The following MAPRE1 variants were observed in gnomAD, a reference collection of about 807,000 sequenced individuals.
The protein encoded by MAPRE1 is microtubule associated protein RP/EB family member 1.
In MAPRE1, 5 loss-of-function variants were observed where a neutral mutation model predicts 32.1. The ratio of observed to expected loss-of-function variants is 0.16; its 90% CI spans 0.08 to 0.33. MAPRE1 has a LOEUF of 0.33. Ranked by LOEUF, MAPRE1 falls within the 10% of genes least tolerant of loss-of-function variation. MAPRE1 has a pLI of 1.00. For synonymous variants in MAPRE1, 122 were observed against 118.9 expected (o/e 1.03, Z -0.17); for missense variants, 209 against 327.2 (o/e 0.64, Z 2.79).
At chr20:32,845,091 A>G (rs567597850) in intron 5 of MAPRE1, among the ~76,000 whole-genome samples, 1 of 152,280 alleles carries the variant, frequency 6.6e-6, no homozygotes, top group South Asian at 2.1e-4. Context: ...CCCAGACTAG[A>G]GTGTAATGGT....
intron 2 of MAPRE1, 31 bp from the exon 3 acceptor site, chr20:32,833,686 T>C: frequency 6.3e-7 from 1 of 1,590,694 alleles, no homozygotes; most frequent in East Asian, 2.2e-5. Flanking sequence ...GCTTCTTTAA[T>C]TGTATTTTTC....
At chr20:32,828,942 T>C (rs1036093183) in intron 2 of MAPRE1, among the ~76,000 whole-genome samples, 1 of 152,150 alleles carries the variant, frequency 6.6e-6, no homozygotes, top group Non-Finnish European at 1.5e-5. Flanking sequence ...GTCAGTTGTT[T>C]TTTTTTTCTT....
At position 32,850,084 on chromosome 20, in the gene MAPRE1, A is replaced by G. The variant is rs1477015161; in HGVS notation, c.*1356A>G. The G allele has an allele frequency of 6.6e-6, 1 of 152,500 alleles. No homozygotes were observed. 9.4% of individuals were successfully genotyped at this position (152,500 alleles called of 1,614,324 possible). ...ACTGAGATTGTTCAGCCCCTGATGT[A>G]TTTGTATTGATTTGTTTCTGGTGGT... On this transcript the variant is annotated 3_prime_UTR_variant, in exon 7 of 7. Transcript: ENST00000375571.
chr20:32,836,522 A>G, intron 3 of MAPRE1, 112 bp from the exon 4 acceptor site: 1 of 670,456 alleles, frequency 1.5e-6, no homozygotes, highest in Middle Eastern at 2.7e-4. Context: ...TAAGGTCTCT[A>G]AAATATTTTT....
chr20:32,826,318 A>G (rs1264884871), intron 2 of MAPRE1, among the ~76,000 whole-genome samples: 1 of 143,644 alleles, frequency 7.0e-6, no homozygotes, highest in African/African-American at 2.6e-5. Context: ...CCGGGTTCAC[A>G]CCATTCTCCT....
At position 32,849,121 on chromosome 20, in the gene MAPRE1, A is replaced by G. The variant is rs1983582340; in HGVS notation, c.*393A>G. ...AAATCAGAGAATGTTGTAATAAGTA[A>G]ATGCCTTAAGAGTATTTAAAATATG... is the stretch of plus-strand genomic sequence containing the variant. On this transcript the variant is annotated 3_prime_UTR_variant, in exon 7 of 7. Coordinates refer to ENST00000375571, the MANE Select transcript of MAPRE1 (RefSeq NM_012325.3). 6.3e-6 allele frequency: 1 copy of G among 158,016 alleles called. No individual in the cohort carries two copies. Among genetic ancestry groups the G allele is most frequent in the Non-Finnish European group, 1.4e-5 (1 of 71,566 alleles). The allele number at this position is 158,016 out of a possible 1,614,324, so 9.8% of individuals were successfully genotyped here.
intron 3 of MAPRE1, 79 bp from the exon 4 acceptor site, chr20:32,836,555 T>C: frequency 1.3e-6 from 1 of 796,186 alleles, no homozygotes; most frequent in Non-Finnish European, 2.1e-6. Flanking sequence ...CAGAGCTTTA[T>C]AATGAATTGA....
intron 5 of MAPRE1, among the ~76,000 whole-genome samples, chr20:32,841,130 G>A (rs903817088): frequency 6.6e-4 from 101 of 152,234 alleles, no homozygotes; most frequent in African/African-American, 2.0e-3. Context: ...TCACTTTTTC[G>A]TTCTTTCATT....
At chr20:32,833,908 C>T (rs374114525) in intron 3 of MAPRE1, 46 bp downstream of exon 3, 12 of 1,544,764 alleles carry the variant, frequency 7.8e-6, no homozygotes, top group Non-Finnish European at 1.1e-5. Context: ...CCTTAATGAT[C>T]GTTACTAAGG....
intron 2 of MAPRE1, among the ~76,000 whole-genome samples, chr20:32,829,300 G>A (rs1233988453): frequency 6.6e-6 from 1 of 152,198 alleles, no homozygotes; most frequent in Non-Finnish European, 1.5e-5. Flanking sequence ...ACACTTAACT[G>A]TGATTTGTAA....
Position 32,848,226 on chromosome 20 carries a change from T to C in MAPRE1, c.751-446T>C, listed in dbSNP as rs547249694. On this transcript the variant is annotated intron_variant, in intron 6 of 6. Transcript: ENST00000375571. ...CAGGCTTGGCTAGTTTTTTTTTTTT[T>C]CGAGACATTGTCTCACTGTGTTACC... Among the ~76,000 whole-genome samples, 351 of 152,048 alleles carry C rather than the reference T, an allele frequency of 2.3e-3. 1 individual carries two copies. Among genetic ancestry groups the C allele is most frequent in the Non-Finnish European group, 4.1e-3 (281 of 67,944 alleles).
intron 6 of MAPRE1, among the ~76,000 whole-genome samples, chr20:32,848,070 G>A (rs1223003219): frequency 6.6e-6 from 1 of 151,780 alleles, no homozygotes; most frequent in Non-Finnish European, 1.5e-5. Context: ...TAGTGACGGG[G>A]ATCTCACTTT....
intron 3 of MAPRE1, among the ~76,000 whole-genome samples, chr20:32,835,364 G>GGTTTTTTTT (rs758846726): frequency 7.5e-5 from 8 of 106,658 alleles, no homozygotes; most frequent in African/African-American, 3.7e-4. Context: ...TTTTATTGGT[G>GGTTTTTTTT]TTTTTTTTTT....
In MAPRE1 at chr20:32,826,024, A is replaced by C. The variant is rs760515512; in HGVS notation, c.97A>C (p.Thr33Pro). 1 of 1,607,940 alleles carries C rather than the reference A, an allele frequency of 6.2e-7. No homozygotes were observed. The highest frequency in any genetic ancestry group is 1.3e-5 in the African/African-American group (1 of 74,946). The stretch of plus-strand genomic sequence containing the variant: ...CAATGAGTCTCTGCAGTTGAATCTG[A>C]CAAAGATCGAACAGTTGTGCTCAGG... ...WINESLQLNL[T>P]KIEQLCSGAA... The change falls in exon 2 of 7, where the codon ACA (threonine) becomes CCA (proline). Residue 33 changes from threonine (T) to proline (P), a missense_variant. By Grantham distance (38) the Thr-to-Pro change is conservative (BLOSUM62 -1). This residue lies in a region of MAPRE1 where 67 missense variants were observed against 140.0 expected (regional missense o/e 0.48). Coordinates refer to ENST00000375571, the MANE Select transcript of MAPRE1 (RefSeq NM_012325.3).
intron 2 of MAPRE1, among the ~76,000 whole-genome samples, chr20:32,827,423 T>A (rs1982886795): frequency 6.6e-6 from 1 of 151,690 alleles, no homozygotes; most frequent in East Asian, 2.0e-4. Context: ...AAATGAAAAA[T>A]AAGTAGTGAT....
At chr20:32,833,224 G>C (rs1228195509) in intron 2 of MAPRE1, among the ~76,000 whole-genome samples, 9 of 151,716 alleles carry the variant, frequency 5.9e-5, no homozygotes, top group Admixed American at 4.6e-4. Context: ...AGAAATGATA[G>C]GTTAAATGTA....
intron 5 of MAPRE1, among the ~76,000 whole-genome samples, chr20:32,844,724 C>A (rs1370870965): frequency 6.6e-6 from 1 of 152,144 alleles, no homozygotes; most frequent in Non-Finnish European, 1.5e-5. Context: ...CATTCCTTTT[C>A]ATAAGCTCTT....
At chr20:32,846,549 A>G in intron 5 of MAPRE1, 69 bp from the exon 6 acceptor site, 1 of 1,468,342 alleles carries the variant, frequency 6.8e-7, no homozygotes, top group Non-Finnish European at 9.5e-7. Context: ...CTTTTGGGTT[A>G]GAAGTCTGCC....
chr20:32,843,484 A>G (rs957520301), intron 5 of MAPRE1: 2 of 152,244 alleles, frequency 1.3e-5, no homozygotes, highest in Non-Finnish European at 2.9e-5. Context: ...AGTGTGAGCT[A>G]CCTGATTTAC....
Sources: gnomAD v4.1 joint callset for allele counts (sites outside exome capture counted in the v4.1 genomes callset) on GRCh38, gnomAD v4.1.1 for gene constraint, gnomAD v4.1.1 regional missense constraint, MANE v1.5 for transcripts, NCBI Gene and HGNC (gene_info 2026-07-23, HGNC 2026-07-21) for gene names.